The following ANKDD1B variants were observed in gnomAD, a reference collection of about 807,000 sequenced individuals.
ANKDD1B encodes the protein ankyrin repeat and death domain containing 1B, also known as ankyrin repeat and death domain-containing protein 1B.
ANKDD1B carries 57 observed loss-of-function variants against 59.7 expected under a neutral mutation model. That is an observed-to-expected ratio of 0.95 (90% CI 0.77 to 1.19). The LOEUF is 1.19. ANKDD1B is among the 50% of genes most tolerant of loss of function. The pLI is 0.00. For synonymous variants in ANKDD1B, 216 were observed against 239.5 expected, an observed-to-expected ratio of 0.90 and a Z score of 0.91; for missense variants, 602 against 641.9, an observed-to-expected ratio of 0.94 and a Z score of 0.67.
At chr5:75,637,281 A>C (rs1308109241) in intron 7 of ANKDD1B, among the ~76,000 whole-genome samples, 1 of 148,016 alleles carries the variant, frequency 6.8e-6, no homozygotes. Context: ...AAAGAAAGAA[A>C]AAAGAAACTG....
chr5:75,666,950 C>A lies in ANKDD1B; in HGVS notation c.1350C>A (p.Asn450Lys). ...NEWQRLARSW[N>K]FTDDQIRAIE... ...GGCAGAGGCTGGCCCGTTCGTGGAA[C>A]TTTACAGATGACCAGATTAGAGCCA... Residue 450 changes from asparagine to lysine, a missense_variant, in exon 12 of 14, where the codon AAC (asparagine) becomes AAA (lysine). This residue lies in a region of ANKDD1B where 280 missense variants were observed against 319.8 expected (regional missense o/e 0.88). Coordinates refer to ENST00000601380, the MANE Select transcript of ANKDD1B (RefSeq NM_001276713.2). 2 of 1,511,790 alleles carry A rather than the reference C, an allele frequency of 1.3e-6. No homozygotes were observed. The highest frequency in any genetic ancestry group is 1.3e-5 in the South Asian group (1 of 79,130). 93.6% of individuals were successfully genotyped at this position (1,511,790 alleles called of 1,614,324 possible).
At chr5:75,663,294 T>TG in intron 10 of ANKDD1B, 100 bp from the exon 11 acceptor site, 1 of 858,194 alleles carries the variant, frequency 1.2e-6, no homozygotes, top group South Asian at 1.5e-5. Context: ...CAGCATGGGC[T>TG]GGTAGAATCA....
At position 75,625,910 on chromosome 5, in the gene ANKDD1B, T is replaced by C. The variant is rs985287719; in HGVS notation, c.555T>C (p.Tyr185=). ...GCAATCATGTGCGCATCGTGGAGTATCTTATTCAAGATCTGCACCTCAAGG... is the reference window on the plus strand; with the variant it reads ...GCAATCATGTGCGCATCGTGGAGTACCTTATTCAAGATCTGCACCTCAAGG... ...TQSNHVRIVE[Y]LIQDLHLKDL... The change falls in exon 5 of 14, where the codon TAT becomes TAC. Residue 185 remains tyrosine, a synonymous_variant. Transcript: ENST00000601380. The C allele has an allele frequency of 2.0e-6, 3 of 1,536,202 alleles. No homozygotes were observed. The highest frequency in any genetic ancestry group is 1.2e-5 in the South Asian group (1 of 84,058).
intron 10 of ANKDD1B, among the ~76,000 whole-genome samples, chr5:75,663,119 T>C (rs1775202867): frequency 6.6e-6 from 1 of 152,184 alleles, no homozygotes; most frequent in Non-Finnish European, 1.5e-5. Context: ...TACAGACCAT[T>C]GGCCAGAACT....
At chr5:75,668,042 G>A (rs556804356) in intron 12 of ANKDD1B, among the ~76,000 whole-genome samples, 4 of 152,040 alleles carry the variant, frequency 2.6e-5, no homozygotes, top group Non-Finnish European at 5.9e-5. Context: ...CATTAATTAG[G>A]CTTATAGTGT....
chr5:75,660,279 A>G (rs1265565342), intron 10 of ANKDD1B, among the ~76,000 whole-genome samples: 1 of 152,120 alleles, frequency 6.6e-6, no homozygotes, highest in African/African-American at 2.4e-5. Context: ...CCTGGGAACC[A>G]CCATTCTACT....
intron 3 of ANKDD1B, among the ~76,000 whole-genome samples, chr5:75,622,184 T>A (rs1307932012): frequency 6.6e-6 from 1 of 152,178 alleles, no homozygotes. Context: ...CTGTTGTGCA[T>A]ATGTCTCAGT....
intron 11 of ANKDD1B, among the ~76,000 whole-genome samples, chr5:75,665,089 T>G (rs1775272283): frequency 6.6e-6 from 1 of 152,194 alleles, no homozygotes; most frequent in Admixed American, 6.5e-5. Flanking sequence ...ATTATTAAAT[T>G]CAGTGGTTCA....
intron 7 of ANKDD1B, among the ~76,000 whole-genome samples, chr5:75,642,388 G>A (rs1026767757): frequency 2.5e-4 from 37 of 149,926 alleles, no homozygotes; most frequent in East Asian, 1.2e-3. Flanking sequence ...CAGTGTGTGC[G>A]CGCACCGTGC....
intron 12 of ANKDD1B, among the ~76,000 whole-genome samples, chr5:75,668,771 T>C (rs1775384991): frequency 6.6e-6 from 1 of 152,190 alleles, no homozygotes; most frequent in African/African-American, 2.4e-5. Context: ...TCCTTGAGAC[T>C]GGAGTGGCAG....
At chr5:75,649,834 A>G (rs1335105914) in intron 7 of ANKDD1B, among the ~76,000 whole-genome samples, 1 of 152,212 alleles carries the variant, frequency 6.6e-6, no homozygotes, top group Non-Finnish European at 1.5e-5. Flanking sequence ...ATTTAAGTCC[A>G]CTGATCTGCT....
At chr5:75,621,460 T>G in intron 3 of ANKDD1B, among the ~76,000 whole-genome samples, 1 of 152,144 alleles carries the variant, frequency 6.6e-6, no homozygotes, top group East Asian at 1.9e-4. Context: ...GTTCCATGCA[T>G]TCTTTTTTTT....
chr5:75,617,495 C>T (rs1455447585), intron 2 of ANKDD1B, among the ~76,000 whole-genome samples: 1 of 152,076 alleles, frequency 6.6e-6, no homozygotes, highest in Non-Finnish European at 1.5e-5. Context: ...GGATTCTTTA[C>T]TGCTTGCTTT....
At position 75,620,307 on chromosome 5, in the gene ANKDD1B, T is replaced by C; in HGVS notation, c.298-8T>C. ...AGATGACTAAAAACATAAATTATGC[T>C]TCCTCAGATGAACCGCACAGCCCTG... is the stretch of plus-strand genomic sequence containing the variant. On this transcript the variant is annotated splice_polypyrimidine_tract_variant and splice_region_variant and intron_variant, in intron 2 of 13. Transcript: ENST00000601380. 6.9e-7 allele frequency: 1 copy of C among 1,448,060 alleles called. No individual in the cohort carries two copies. Among genetic ancestry groups the C allele is most frequent in the Non-Finnish European group, 9.3e-7 (1 of 1,075,546 alleles). 89.7% of individuals were successfully genotyped at this position (1,448,060 alleles called of 1,614,324 possible). A position where few individuals can be genotyped will look rare whatever the true frequency, so the allele number is the denominator to read the frequency against.
At chr5:75,625,003 TG>T (rs1773952777) in intron 3 of ANKDD1B, among the ~76,000 whole-genome samples, 1 of 152,236 alleles carries the variant, frequency 6.6e-6, no homozygotes, top group Non-Finnish European at 1.5e-5. Context: ...AGCATTCCTA[TG>T]TTGATAGGCT....
At chr5:75,620,256 A>C in intron 2 of ANKDD1B, 59 bp from the exon 3 acceptor site, 1 of 855,262 alleles carries the variant, frequency 1.2e-6, no homozygotes, top group Non-Finnish European at 1.8e-6. Context: ...AAGAAACAGG[A>C]AACCTAAAAT....
In ANKDD1B at chr5:75,630,143, A is replaced by G. The variant is rs79998083; in HGVS notation, c.600+4188A>G. 7.2e-5 allele frequency among the ~76,000 whole-genome samples: 11 copies of G among 152,272 alleles called. 1 individual carries two copies. The East Asian group carries it at 1.9e-3, about 27-fold the overall frequency. On this transcript the variant is annotated intron_variant, in intron 5 of 13. Coordinates refer to ENST00000601380, the MANE Select transcript of ANKDD1B (RefSeq NM_001276713.2). ...CTGCCTTCCAAGTAAGGGAGGTCCT[A>G]TGAGACTGCCCTGGATAGAGGCCTA... is the stretch of plus-strand genomic sequence containing the variant.
At chr5:75,622,359 T>G (rs1451040015) in intron 3 of ANKDD1B, among the ~76,000 whole-genome samples, 3 of 152,174 alleles carry the variant, frequency 2.0e-5, no homozygotes, top group African/African-American at 7.2e-5. Context: ...CCTAGGTGAT[T>G]GTTTTTGGGA....
chr5:75,665,132 A>G (rs952759627), intron 11 of ANKDD1B, among the ~76,000 whole-genome samples: 19 of 152,186 alleles, frequency 1.2e-4, no homozygotes, highest in Admixed American at 2.0e-4. Flanking sequence ...AACCTGGCTT[A>G]TGTTATTTTA....
Sources: allele counts gnomAD v4.1 joint callset (sites outside exome capture counted in the v4.1 genomes callset), GRCh38; gene constraint gnomAD v4.1.1; regional missense constraint gnomAD v4.1.1; transcripts MANE v1.5; gene names NCBI Gene and HGNC (gene_info 2026-07-23, HGNC 2026-07-21).